Variants in CFAP69 observed in about 807,000 individuals in gnomAD.
The protein encoded by CFAP69 is cilia and flagella associated protein 69, also known as cilia- and flagella-associated protein 69.
Under a neutral mutation model 123.0 loss-of-function variants are expected in CFAP69, and 92 were observed. The ratio of observed to expected loss-of-function variants is 0.75; its 90% CI spans 0.63 to 0.89. The LOEUF is 0.89. CFAP69 is among the 40% of genes least tolerant of loss of function. The pLI is 0.00. For missense variants in CFAP69, 1,067 were observed against 1,096.9 expected (o/e 0.97, Z 0.39); for synonymous variants, 380 against 364.3 (o/e 1.04, Z -0.49).
chr7:90,247,445 A>C (rs1431434203), intron 1 of CFAP69, among the ~76,000 whole-genome samples: 1 of 152,226 alleles, frequency 6.6e-6, no homozygotes, highest in Admixed American at 6.5e-5. Context: ...ACTTCAGTTC[A>C]TTGTCAGCTT....
Position 90,271,529 on chromosome 7 carries a change from A to T in CFAP69, c.536A>T (p.Tyr179Phe). 1 of 1,610,308 alleles carries T rather than the reference A, an allele frequency of 6.2e-7. No homozygotes were observed. The highest frequency in any genetic ancestry group is 8.5e-7 in the Non-Finnish European group (1 of 1,178,990). ...AEPPKKHIPGYQQASSSYKIQ... is the reference protein window; with the variant it reads ...AEPPKKHIPGFQQASSSYKIQ... ...TTTATTAATGAATTGTTGTTAGGTTACCAGCAAGCGAGTTCATCATACAAG... is the reference window on the plus strand; with the variant it reads ...TTTATTAATGAATTGTTGTTAGGTTTCCAGCAAGCGAGTTCATCATACAAG... Residue 179 changes from tyrosine (Y) to phenylalanine (F), a missense_variant, in exon 7 of 23, where the codon TAC becomes TTC. Tyr to Phe is a conservative substitution (Grantham distance 22). Coordinates refer to ENST00000389297, the MANE Select transcript of CFAP69 (RefSeq NM_001039706.3).
intron 1 of CFAP69, among the ~76,000 whole-genome samples, chr7:90,249,625 A>G (rs987227039): frequency 6.6e-6 from 1 of 152,202 alleles, no homozygotes; most frequent in African/African-American, 2.4e-5. Context: ...ATCACAAGAT[A>G]TCTAATTTAT....
chr7:90,282,927 A>T lies in CFAP69; in HGVS notation c.1408A>T (p.Thr470Ser), dbSNP rs1341771849. Reference protein sequence around the residue: ...FFSHGNSFHGTGGRGNKFAQM... With the variant: ...FFSHGNSFHGSGGRGNKFAQM... Reference sequence around the variant, plus strand: ...CAGTCATGGTAACAGTTTTCATGGTACAGGTGGCCGAGGCAACAAGTTTGC... The same window carrying T: ...CAGTCATGGTAACAGTTTTCATGGTTCAGGTGGCCGAGGCAACAAGTTTGC... The change falls in exon 13 of 23, where the codon ACA becomes TCA. Residue 470 changes from threonine (T) to serine (S), a missense_variant. By Grantham distance (58) the Thr-to-Ser change is moderately conservative (BLOSUM62 1). Transcript: ENST00000389297. 6 of 1,579,804 alleles carry T rather than the reference A, an allele frequency of 3.8e-6. No individual in the cohort carries two copies. The highest frequency in any genetic ancestry group is 3.4e-6 in the Non-Finnish European group (4 of 1,164,912).
chr7:90,258,570 C>T (rs1306270028), intron 3 of CFAP69, among the ~76,000 whole-genome samples: 1 of 152,076 alleles, frequency 6.6e-6, no homozygotes, highest in Non-Finnish European at 1.5e-5. Context: ...TTACGGTGGG[C>T]CCACCTGGAT....
downstream of CFAP69, among the ~76,000 whole-genome samples, chr7:90,315,232 G>A (rs149038552): frequency 8.9e-3 from 1,352 of 152,136 alleles, 20 homozygotes; most frequent in African/African-American, 0.03. Context: ...ACTACTATTC[G>A]ACCCAGCCAT....
intron 9 of CFAP69, among the ~76,000 whole-genome samples, chr7:90,275,137 A>C (rs1180002965): frequency 1.3e-5 from 2 of 151,940 alleles, no homozygotes; most frequent in East Asian, 3.8e-4. Flanking sequence ...TTTTTACTTC[A>C]GATATATTTT....
chr7:90,319,877 T>A, the CFAP69 span: 2 of 396,934 alleles, frequency 5.0e-6, no homozygotes, highest in Non-Finnish European at 4.4e-6. Context: ...TACTAGGTAT[T>A]CATTTTTTCT....
At chr7:90,286,795 A>T (rs1169965098) in intron 14 of CFAP69, among the ~76,000 whole-genome samples, 1 of 152,118 alleles carries the variant, frequency 6.6e-6, no homozygotes, top group Non-Finnish European at 1.5e-5. Flanking sequence ...TTTTAGAAAT[A>T]TATCCATGTT....
At chr7:90,280,388 G>T (rs1789294667) in intron 12 of CFAP69, among the ~76,000 whole-genome samples, 1 of 152,094 alleles carries the variant, frequency 6.6e-6, no homozygotes, top group African/African-American at 2.4e-5. Context: ...TATAGACAGG[G>T]TTTCGCCATG....
In CFAP69 at chr7:90,309,382, C is replaced by G; in HGVS notation, c.2655+15C>G. The stretch of plus-strand genomic sequence containing the variant: ...TTAACACAACGGTAAGATTCTTTCT[C>G]CATAACATTTTCTTAATAGACATTA... On this transcript the variant is annotated intron_variant, in intron 22 of 22. Transcript: ENST00000389297. The G allele has an allele frequency of 1.5e-6, 2 of 1,367,414 alleles. No homozygotes were observed. The highest frequency in any genetic ancestry group is 1.0e-6 in the Non-Finnish European group (1 of 990,458). 84.7% of individuals were successfully genotyped at this position (1,367,414 alleles called of 1,614,324 possible).
chr7:90,245,287 A>C lies in CFAP69; in HGVS notation c.-138A>C. 1 of 1,249,236 alleles carries C rather than the reference A, an allele frequency of 8.0e-7. No homozygotes were observed. The highest frequency in any genetic ancestry group is 1.0e-6 in the Non-Finnish European group (1 of 957,756). 77.4% of individuals were successfully genotyped at this position (1,249,236 alleles called of 1,614,324 possible). A position where few individuals can be genotyped will look rare whatever the true frequency, so the allele number is the denominator to read the frequency against. The stretch of plus-strand genomic sequence containing the variant: ...GGCGGTGGCCTAGGCCCCTGGCGGA[A>C]TTTTGGGACCTTTCGCGACTCTAGC... On this transcript the variant is annotated 5_prime_UTR_variant, in exon 1 of 23. Coordinates refer to ENST00000389297, the MANE Select transcript of CFAP69 (RefSeq NM_001039706.3).
intron 18 of CFAP69, chr7:90,304,502 A>C: frequency 7.8e-7 from 1 of 1,275,910 alleles, no homozygotes; most frequent in African/African-American, 1.6e-5. Context: ...ACTACAACAC[A>C]GAAAGAAATG....
At chr7:90,307,353 A>G (rs1005496764) in intron 20 of CFAP69, among the ~76,000 whole-genome samples, 4 of 152,228 alleles carry the variant, frequency 2.6e-5, no homozygotes, top group African/African-American at 9.6e-5. Context: ...AAAATATCAC[A>G]TGTATGCCAT....
At chr7:90,322,354 C>T in the CFAP69 span, 1 of 152,354 alleles carries the variant, frequency 6.6e-6, no homozygotes, top group East Asian at 1.9e-4. Flanking sequence ...GTGTTTCAGT[C>T]CACCATTAAT....
chr7:90,284,080 A>G (rs555253316), intron 13 of CFAP69, among the ~76,000 whole-genome samples: 2 of 152,300 alleles, frequency 1.3e-5, no homozygotes, highest in Non-Finnish European at 2.9e-5. Context: ...GTAATCTTTC[A>G]TATGTCTAGG....
chr7:90,318,534 T>C, the CFAP69 span: 3 of 152,168 alleles, frequency 2.0e-5, no homozygotes, highest in African/African-American at 7.2e-5. Flanking sequence ...CCATTAGTTT[T>C]GGCACAGTTT....
At chr7:90,287,580 CA>C (rs1396410323) in intron 14 of CFAP69, 4 of 984,976 alleles carry the variant, frequency 4.1e-6, no homozygotes, top group Non-Finnish European at 3.6e-6. Context: ...AAGATAAAAA[CA>C]AAAAAATGAT....
intron 17 of CFAP69, chr7:90,303,530 C>T: frequency 1.1e-6 from 1 of 946,102 alleles, no homozygotes; most frequent in Non-Finnish European, 1.3e-6. Flanking sequence ...CTTCTGATGA[C>T]TTGTATCTTC....
intron 22 of CFAP69, 64 bp from the exon 23 acceptor site, chr7:90,310,004 G>T: frequency 7.6e-7 from 1 of 1,323,586 alleles, no homozygotes; most frequent in Non-Finnish European, 1.1e-6. Flanking sequence ...AAGGATGAAT[G>T]AGTTTTTCTC....
Sources: gnomAD v4.1 joint callset for allele counts (sites outside exome capture counted in the v4.1 genomes callset) on GRCh38, gnomAD v4.1.1 for gene constraint, MANE v1.5 for transcripts, NCBI Gene and HGNC (gene_info 2026-07-23, HGNC 2026-07-21) for gene names.